NEGR1: variants seen among roughly 807,000 people sequenced by gnomAD.
The protein encoded by NEGR1 is IgLON family member 4.
A neutral mutation model predicts 40.9 loss-of-function variants in NEGR1; 10 were observed. The observed-to-expected ratio is 0.24, with a 90% CI of 0.15 to 0.42. NEGR1 has a LOEUF of 0.42. Ranked by LOEUF, NEGR1 falls within the 10% of genes least tolerant of loss-of-function variation. The probability of loss-of-function intolerance (pLI) is 1.00; values close to 1 mark genes in which losing one functional copy is unlikely to be tolerated. For synonymous variants in NEGR1, 185 were observed against 166.8 expected (o/e 1.11, Z -0.84); for missense variants, 352 against 438.9 (o/e 0.80, Z 1.77).
At chr1:72,151,316 TATTTTAGGCATTATACTA>T (rs1486395470) in intron 1 of NEGR1, among the ~76,000 whole-genome samples, 1 of 151,326 alleles carries the variant, frequency 6.6e-6, no homozygotes, top group Non-Finnish European at 1.5e-5. Flanking sequence ...CTACATAATA[TATTTTAGGCATTATACTA>T]ATTTTAGGCA....
chr1:72,118,622 G>A, intron 1 of NEGR1, among the ~76,000 whole-genome samples: 1 of 151,730 alleles, frequency 6.6e-6, no homozygotes, highest in East Asian at 1.9e-4. Flanking sequence ...ATTGCTCTAG[G>A]AGTCATTACT....
intron 5 of NEGR1, among the ~76,000 whole-genome samples, chr1:71,600,570 A>G (rs184745285): frequency 2.4e-4 from 36 of 152,308 alleles, no homozygotes; most frequent in Admixed American, 2.0e-3. Flanking sequence ...GGGCTTACAA[A>G]CAAAGGAGCC....
chr1:72,184,731 C>CT (rs1328366755), intron 1 of NEGR1, among the ~76,000 whole-genome samples: 4 of 152,016 alleles, frequency 2.6e-5, no homozygotes, highest in Non-Finnish European at 5.9e-5. Context: ...GGTCATAGTA[C>CT]TACCTACTGA....
chr1:71,943,037 CAT>C (rs1015820729), intron 1 of NEGR1, among the ~76,000 whole-genome samples: 3 of 123,026 alleles, frequency 2.4e-5, no homozygotes, highest in East Asian at 4.3e-4. Flanking sequence ...TACACACATA[CAT>C]ATATATGTGT....
chr1:72,028,833 T>C lies in NEGR1; in HGVS notation c.177-93522A>G, dbSNP rs188750676. Among the ~76,000 whole-genome samples, 443 of 152,348 alleles carry C rather than the reference T, an allele frequency of 2.9e-3. 1 individual carries two copies. The highest frequency in any genetic ancestry group is 0.01 in the African/African-American group (422 of 41,590). On this transcript the variant is annotated intron_variant, in intron 1 of 6. Coordinates refer to ENST00000357731, the MANE Select transcript of NEGR1 (RefSeq NM_173808.3). ...AATTTGAGAACTGCAAGAGTTTCAATGTTTATTTCCCTTATTAGACCAAGA... is the reference window on the plus strand; with the variant it reads ...AATTTGAGAACTGCAAGAGTTTCAACGTTTATTTCCCTTATTAGACCAAGA...
intron 2 of NEGR1, among the ~76,000 whole-genome samples, chr1:71,917,561 C>G (rs1446588683): frequency 1.3e-5 from 2 of 151,716 alleles, no homozygotes; most frequent in Non-Finnish European, 2.9e-5. Flanking sequence ...GAGGCGGAGG[C>G]GGGCGGATCA....
chr1:71,431,809 GA>G (rs1402454597), intron 6 of NEGR1, among the ~76,000 whole-genome samples: 1 of 152,148 alleles, frequency 6.6e-6, no homozygotes, highest in Non-Finnish European at 1.5e-5. Context: ...TTTTATGTAT[GA>G]AAATAAATTT....
intron 6 of NEGR1, among the ~76,000 whole-genome samples, chr1:71,435,559 T>C (rs956186694): frequency 6.6e-6 from 1 of 151,864 alleles, no homozygotes; most frequent in Non-Finnish European, 1.5e-5. Context: ...GAGACATTTA[T>C]TAGTAAGAAA....
At chr1:72,190,668 C>T (rs1198237507) in intron 1 of NEGR1, among the ~76,000 whole-genome samples, 1 of 151,326 alleles carries the variant, frequency 6.6e-6, no homozygotes, top group Non-Finnish European at 1.5e-5. Context: ...ATGTCTATGA[C>T]ATTAACATTT....
At chr1:71,605,004 T>C (rs1650033474) in intron 5 of NEGR1, among the ~76,000 whole-genome samples, 1 of 152,166 alleles carries the variant, frequency 6.6e-6, no homozygotes, top group Admixed American at 6.5e-5. Flanking sequence ...TTTTCATTCA[T>C]TGGAGTAATT....
chr1:72,259,849 G>A (rs1447843163), intron 1 of NEGR1, among the ~76,000 whole-genome samples: 1 of 151,996 alleles, frequency 6.6e-6, no homozygotes, highest in Non-Finnish European at 1.5e-5. Context: ...CGCTATGCAG[G>A]TAGAGTTTAT....
At chr1:71,686,660 G>T (rs933415994) in intron 4 of NEGR1, among the ~76,000 whole-genome samples, 1 of 152,118 alleles carries the variant, frequency 6.6e-6, no homozygotes, top group Non-Finnish European at 1.5e-5. Flanking sequence ...AGCAGTAGGC[G>T]CAGGAAGAAG....
chr1:71,762,036 G>A (rs1317489916), intron 3 of NEGR1, among the ~76,000 whole-genome samples: 2 of 151,914 alleles, frequency 1.3e-5, no homozygotes, highest in Non-Finnish European at 2.9e-5. Context: ...TTTTAAATGG[G>A]GTAAAGGAAT....
chr1:71,568,523 A>G (rs916676406), intron 6 of NEGR1, among the ~76,000 whole-genome samples: 7 of 152,208 alleles, frequency 4.6e-5, no homozygotes, highest in African/African-American at 1.7e-4. Context: ...TAGCCAATCA[A>G]GTATTTATTG....
chr1:71,990,958 A>G (rs1255114558), intron 1 of NEGR1, among the ~76,000 whole-genome samples: 2 of 151,748 alleles, frequency 1.3e-5, no homozygotes, highest in Admixed American at 1.3e-4. Context: ...CAGATACCAC[A>G]AATTCACTGT....
chr1:71,942,330 A>T (rs1645966832), intron 1 of NEGR1, among the ~76,000 whole-genome samples: 2 of 149,304 alleles, frequency 1.3e-5, no homozygotes, highest in Admixed American at 1.3e-4. Flanking sequence ...AATTTTTCTT[A>T]CTTTTTTCAT....
chr1:71,620,724 C>T (rs575115885), intron 4 of NEGR1, among the ~76,000 whole-genome samples: 1 of 152,002 alleles, frequency 6.6e-6, no homozygotes, highest in East Asian at 1.9e-4. Context: ...TGAATTAAGC[C>T]TCTGGTCAGC....
chr1:72,131,104 A>C (rs1042222354), intron 1 of NEGR1, among the ~76,000 whole-genome samples: 19 of 152,174 alleles, frequency 1.2e-4, no homozygotes, highest in African/African-American at 4.3e-4. Flanking sequence ...TCTGTCTTCT[A>C]AGTCTCCTGA....
At chr1:72,235,565 TAAG>T (rs1654519510) in intron 1 of NEGR1, among the ~76,000 whole-genome samples, 1 of 151,960 alleles carries the variant, frequency 6.6e-6, no homozygotes, top group Non-Finnish European at 1.5e-5. Flanking sequence ...AAATTTTCAG[TAAG>T]AAGAAACAAA....
Sources: allele counts gnomAD v4.1 joint callset (sites outside exome capture counted in the v4.1 genomes callset), GRCh38; gene constraint gnomAD v4.1.1; transcripts MANE v1.5; gene names NCBI Gene and HGNC (gene_info 2026-07-23, HGNC 2026-07-21).